ZZEF1: variants seen among roughly 807,000 people sequenced by gnomAD.
The protein encoded by ZZEF1 is zinc finger ZZ-type and EF-hand domain-containing protein 1.
In ZZEF1, 157 loss-of-function variants were observed where a neutral mutation model predicts 342.8. The observed-to-expected ratio is 0.46, with a 90% CI of 0.40 to 0.52. ZZEF1 has a LOEUF of 0.52. ZZEF1 is among the 20% of genes least tolerant of loss of function. The pLI is 0.00. For missense variants in ZZEF1, 3,480 were observed against 3,725.6 expected, an observed-to-expected ratio of 0.93 and a Z score of 1.72; for synonymous variants, 1,505 against 1,429.1, an observed-to-expected ratio of 1.05 and a Z score of -1.20.
chr17:4,019,726 G>T lies in ZZEF1; in HGVS notation c.7448C>A (p.Ala2483Asp), dbSNP rs376932589. ...ALNAPLHILR[A>D]IYELQMKKTD... ...CTTTTTCATCTGCAGTTCGTATATG[G>T]CCCGGAGAATGTGCAGAGGGGCATT... Residue 2483 changes from alanine to aspartate, a missense_variant, in exon 46 of 55, where the codon GCC (alanine) becomes GAC (aspartate). Physicochemically the swap from Ala to Asp is moderately radical, Grantham distance 126 (BLOSUM62 -2). Around this residue, in one of 5 missense-constraint regions of ZZEF1, gnomAD observed 1,269 missense variants for 1,342.4 expected, o/e 0.95. Coordinates refer to ENST00000381638, the MANE Select transcript of ZZEF1 (RefSeq NM_015113.4). 97 of 1,612,452 alleles carry T rather than the reference G, an allele frequency of 6.0e-5. No individual in the cohort carries two copies. The highest frequency in any genetic ancestry group is 8.1e-5 in the Non-Finnish European group (96 of 1,179,636).
intron 39 of ZZEF1, among the ~76,000 whole-genome samples, chr17:4,038,102 T>C (rs2603029): frequency 0.52 from 79,019 of 152,198 alleles, 22,606 homozygotes; most frequent in African/African-American, 0.78. Flanking sequence ...CTTTCAGGCA[T>C]AAAATTATTT....
chr17:4,019,908 T>C (rs1002272754), intron 45 of ZZEF1, 139 bp from the exon 46 acceptor site: 5 of 575,214 alleles, frequency 8.7e-6, no homozygotes, highest in Non-Finnish European at 1.2e-5. Flanking sequence ...ATGGGTAGTT[T>C]AAAAAGCATA....
At chr17:4,029,700 C>A (rs1368303061) in intron 42 of ZZEF1, among the ~76,000 whole-genome samples, 1 of 151,552 alleles carries the variant, frequency 6.6e-6, no homozygotes, top group East Asian at 1.9e-4. Context: ...CATGGTAAAC[C>A]CTGTCTCTAC....
intron 34 of ZZEF1, 68 bp downstream of exon 34, chr17:4,053,989 T>C: frequency 6.0e-6 from 9 of 1,512,228 alleles, no homozygotes; most frequent in Non-Finnish European, 8.0e-6. Flanking sequence ...TTTTTAAAAA[T>C]GACAAGATCA....
Position 4,081,448 on chromosome 17 carries a change from G to A in ZZEF1, c.2757C>T (p.Asn919=), listed in dbSNP as rs769364753. The A allele has an allele frequency of 2.4e-5, 38 of 1,613,978 alleles. 1 individual carries two copies. Among genetic ancestry groups the A allele is most frequent in the South Asian group, 2.1e-4 (19 of 91,086 alleles). ...CACTGATGTTCATCTTGGCCAGGTCGTTCTTCTCAGGTAAAAGAAGAAGGC... is the reference window on the plus strand; with the variant it reads ...CACTGATGTTCATCTTGGCCAGGTCATTCTTCTCAGGTAAAAGAAGAAGGC... ...PGGLLLLPEK[N]DLAKMNISEV... Residue 919 remains asparagine, a synonymous_variant, in exon 18 of 55, where the codon AAC becomes AAT. Coordinates refer to ENST00000381638, the MANE Select transcript of ZZEF1 (RefSeq NM_015113.4).
At chr17:4,142,514 A>AC in intron 1 of ZZEF1, 28 bp downstream of exon 1, 1 of 1,584,650 alleles carries the variant, frequency 6.3e-7, no homozygotes, top group Non-Finnish European at 8.5e-7. Flanking sequence ...GCCCTGCCCC[A>AC]TCCCCGCAGT....
chr17:4,017,944 A>G lies in ZZEF1; in HGVS notation c.7533T>C (p.Asp2511=). The G allele has an allele frequency of 1.9e-6, 3 of 1,613,928 alleles. No homozygotes were observed. The highest frequency in any genetic ancestry group is 2.5e-6 in the Non-Finnish European group (3 of 1,180,034). Reference sequence around the variant, plus strand: ...GCTGAGCCAGGGACCGTATCCTTTCATCTGTGGTGAGCTCATCACCATCAA... The same window carrying G: ...GCTGAGCCAGGGACCGTATCCTTTCGTCTGTGGTGAGCTCATCACCATCAA... ...KRFDGDELTT[D]ERIRSLAQRW... is the part of the protein sequence containing the mutation. Residue 2511 remains aspartate, a synonymous_variant, in exon 47 of 55, where the codon GAT becomes GAC. Transcript: ENST00000381638. This position sits in a 1 kb window ranked among gnomAD's most constrained non-coding sequence, Gnocchi z 5.1.
intron 6 of ZZEF1, among the ~76,000 whole-genome samples, chr17:4,107,216 T>G (rs930829237): frequency 6.6e-6 from 1 of 152,282 alleles, no homozygotes; most frequent in South Asian, 2.1e-4. Flanking sequence ...AAGGCAGGAG[T>G]GCATGAAAAT....
chr17:4,123,076 T>C (rs930287641), intron 2 of ZZEF1, among the ~76,000 whole-genome samples: 1 of 151,394 alleles, frequency 6.6e-6, no homozygotes, highest in Non-Finnish European at 1.5e-5. Flanking sequence ...CCCGCCACCA[T>C]GCCCGGATAA....
At chr17:4,036,817 A>ACACACACACACTCTCT (rs754105162) in intron 39 of ZZEF1, among the ~76,000 whole-genome samples, 1 of 72,618 alleles carries the variant, frequency 1.4e-5, no homozygotes, top group Non-Finnish European at 2.5e-5. Context: ...ACACACACAC[A>ACACACACACACTCTCT]CTCTCTCTCT....
At position 4,142,611 on chromosome 17, in the gene ZZEF1, G is replaced by T. The variant is rs761958836; in HGVS notation, c.285C>A (p.Val95=). 5.0e-6 allele frequency: 8 copies of T among 1,605,530 alleles called. No homozygotes were observed. Among genetic ancestry groups the T allele is most frequent in the Non-Finnish European group, 3.4e-6 (4 of 1,179,712 alleles). The change falls in exon 1 of 55, where the codon GTC becomes GTA. Residue 95 remains valine (V), a synonymous_variant. Coordinates refer to ENST00000381638, the MANE Select transcript of ZZEF1 (RefSeq NM_015113.4). The stretch of plus-strand genomic sequence containing the variant: ...GCAGCTCCCGGAACTGCTCCAGAGT[G>T]ACAGACTCTTCGCCGCGGCCCAGCC... ...EERLGRGEES[V]TLEQFRELLE...
chr17:4,113,842 G>A (rs2058352751), intron 4 of ZZEF1, among the ~76,000 whole-genome samples: 3 of 151,518 alleles, frequency 2.0e-5, no homozygotes. Context: ...GTATGGTGGT[G>A]CCTGCCTAAA....
intron 45 of ZZEF1, 173 bp from the exon 46 acceptor site, chr17:4,019,942 G>A (rs1014483270): frequency 1.5e-5 from 8 of 517,648 alleles, no homozygotes; most frequent in South Asian, 5.6e-5. Context: ...ACCAAAACAT[G>A]GACTATAACA....
intron 5 of ZZEF1, among the ~76,000 whole-genome samples, 162 bp downstream of exon 5, chr17:4,112,447 C>G (rs2058328900): frequency 6.6e-6 from 1 of 152,120 alleles, no homozygotes; most frequent in Non-Finnish European, 1.5e-5. Flanking sequence ...TGCCCCGACG[C>G]TTTTCTATAA....
chr17:4,007,069 G>A (rs2055818238), intron 54 of ZZEF1, 99 bp from the exon 55 acceptor site: 15 of 1,097,806 alleles, frequency 1.4e-5, no homozygotes, highest in South Asian at 6.4e-5. Context: ...ATGTGGGGAC[G>A]GAGGAGGGGA....
intron 39 of ZZEF1, among the ~76,000 whole-genome samples, chr17:4,036,587 C>G (rs1378458578): frequency 6.6e-6 from 1 of 151,952 alleles, no homozygotes; most frequent in East Asian, 1.9e-4. Flanking sequence ...CAAAAATTAG[C>G]CAGGCGTGGT....
chr17:4,068,740 G>T (rs564907772), intron 26 of ZZEF1, among the ~76,000 whole-genome samples: 1 of 152,218 alleles, frequency 6.6e-6, no homozygotes, highest in South Asian at 2.1e-4. Context: ...AATACGCCAG[G>T]GCTGTACCAG....
Position 4,016,409 on chromosome 17 carries a change from C to T in ZZEF1, c.8059G>A (p.Ala2687Thr). 7 of 1,614,094 alleles carry T rather than the reference C, an allele frequency of 4.3e-6. No homozygotes were observed. Among genetic ancestry groups the T allele is most frequent in the Non-Finnish European group, 5.1e-6 (6 of 1,180,022 alleles). The change falls in exon 49 of 55, where the codon GCT becomes ACT. Residue 2687 changes from alanine (A) to threonine (T), a missense_variant. Ala to Thr is a moderately conservative substitution (Grantham distance 58). Transcript: ENST00000381638. The surrounding 1 kb of genome is among the most constrained non-coding windows in gnomAD (Gnocchi z 4.4). Reference sequence around the variant, plus strand: ...GGCTCCTCCATGAACTGGCATGCAGCCAGGGCCATGGTCCCCAGCATGTCC... The same window carrying T: ...GGCTCCTCCATGAACTGGCATGCAGTCAGGGCCATGGTCCCCAGCATGTCC... ...REDMLGTMAL[A>T]ACQFMEEPGM...
In ZZEF1 at chr17:4,016,180, G is replaced by C. The variant is rs1384751233; in HGVS notation, c.8145+143C>G. On this transcript the variant is annotated intron_variant, in intron 49 of 54. Transcript: ENST00000381638. This position sits in a 1 kb window ranked among gnomAD's most constrained non-coding sequence, Gnocchi z 4.4. ...GGGAGGCAGACTGCAGTTTGTTCAA[G>C]GAAGCACTTTCCTGGACAGGTCTCT... The C allele has an allele frequency of 1.0e-6, 1 of 966,732 alleles. No homozygotes were observed. The highest frequency in any genetic ancestry group is 1.5e-6 in the Non-Finnish European group (1 of 660,708). 59.9% of individuals were successfully genotyped at this position (966,732 alleles called of 1,614,324 possible). A position where few individuals can be genotyped will look rare whatever the true frequency, so the allele number is the denominator to read the frequency against.
Sources: gnomAD v4.1 joint callset for allele counts (sites outside exome capture counted in the v4.1 genomes callset) on GRCh38, gnomAD v4.1.1 for gene constraint, gnomAD v4.1.1 regional missense constraint, Gnocchi (gnomAD v3.1) non-coding constraint, MANE v1.5 for transcripts, NCBI Gene and HGNC (gene_info 2026-07-23, HGNC 2026-07-21) for gene names.